Variants in MUSK observed in about 807,000 individuals in gnomAD.
MUSK encodes muscle associated receptor tyrosine kinase.
Under a neutral mutation model 88.7 loss-of-function variants are expected in MUSK, and 55 were observed. The ratio of observed to expected loss-of-function variants is 0.62; its 90% CI spans 0.50 to 0.78. MUSK has a LOEUF of 0.78. Among genes scored for constraint, MUSK ranks in the 30% least tolerant of loss-of-function variants. The pLI, the probability that MUSK is intolerant of heterozygous loss-of-function variation, is 0.00. For missense variants in MUSK, 1,015 were observed against 1,074.3 expected (o/e 0.94, Z 0.77); for synonymous variants, 387 against 391.9 (o/e 0.99, Z 0.15).
At position 110,702,706 on chromosome 9, in the gene MUSK, G is replaced by A. The variant is rs148593095; in HGVS notation, c.628+5240G>A. Among the ~76,000 whole-genome samples, 625 of 151,908 alleles carry A rather than the reference G, an allele frequency of 4.1e-3. 3 individuals are homozygous for A. Among genetic ancestry groups the A allele is most frequent in the Non-Finnish European group, 6.8e-3 (464 of 67,914 alleles). On this transcript the variant is annotated intron_variant, in intron 5 of 14. Coordinates refer to ENST00000374448, the MANE Select transcript of MUSK (RefSeq NM_005592.4). Reference sequence around the variant, plus strand: ...TTGAGCACTGGAGACCAACCTGGGCGACATGGCAAAACTCCATCTCTACAA... The same window carrying A: ...TTGAGCACTGGAGACCAACCTGGGCAACATGGCAAAACTCCATCTCTACAA...
At chr9:110,674,045 T>G (rs1302332009) in intron 1 of MUSK, among the ~76,000 whole-genome samples, 1 of 152,144 alleles carries the variant, frequency 6.6e-6, no homozygotes, top group Admixed American at 6.5e-5. Flanking sequence ...TAGATAACAG[T>G]GTGCTAGTAT....
chr9:110,755,405 C>G lies in MUSK; in HGVS notation c.914-6797C>G, dbSNP rs190115651. On this transcript the variant is annotated intron_variant, in intron 7 of 14. Coordinates refer to ENST00000374448, the MANE Select transcript of MUSK (RefSeq NM_005592.4). ...AAAGAGAGGTAACAAAGACCTGAGG[C>G]TATATGTGTAACCAGTGTATTGAAC... Among the ~76,000 whole-genome samples the G allele has an allele frequency of 2.7e-4, 41 of 152,258 alleles. 1 individual carries two copies. The highest frequency in any genetic ancestry group is 1.4e-3 in the Admixed American group (22 of 15,290).
chr9:110,776,232 T>C (rs934425396), intron 10 of MUSK, among the ~76,000 whole-genome samples: 2 of 152,244 alleles, frequency 1.3e-5, no homozygotes, highest in Non-Finnish European at 2.9e-5. Context: ...TAGGGAATCT[T>C]ATGAGAGCTT....
intron 3 of MUSK, among the ~76,000 whole-genome samples, chr9:110,692,397 G>A (rs890342194): frequency 6.6e-6 from 1 of 151,890 alleles, no homozygotes; most frequent in African/African-American, 2.4e-5. Flanking sequence ...GAGTCTTGAA[G>A]TCCTGTGCTC....
chr9:110,748,893 C>A (rs2077212217), intron 7 of MUSK, among the ~76,000 whole-genome samples: 1 of 152,184 alleles, frequency 6.6e-6, no homozygotes, highest in Non-Finnish European at 1.5e-5. Flanking sequence ...CCTCTCCTTT[C>A]TCCCCCCAGT....
intron 5 of MUSK, among the ~76,000 whole-genome samples, chr9:110,716,140 G>A (rs1291075814): frequency 1.3e-5 from 2 of 149,262 alleles, no homozygotes; most frequent in Non-Finnish European, 2.9e-5. Flanking sequence ...ATAGAAGTTG[G>A]GGGAAAAAAA....
At chr9:110,676,440 T>A (rs2076032007) in intron 1 of MUSK, among the ~76,000 whole-genome samples, 2 of 151,594 alleles carry the variant, frequency 1.3e-5, no homozygotes, top group Non-Finnish European at 2.9e-5. Context: ...GGATGTGCAG[T>A]TTTGTTACAT....
intron 3 of MUSK, among the ~76,000 whole-genome samples, chr9:110,689,806 A>ATAAATATATATTTAAATATATAAATATG (rs1554735560): frequency 1.2e-5 from 1 of 83,082 alleles, no homozygotes; most frequent in Non-Finnish European, 2.1e-5. Flanking sequence ...TATATAATAT[A>ATAAATATATATTTAAATATATAAATATG]TAACTATATA....
Position 110,803,167 on chromosome 9 carries a change from C to A in MUSK, c.*2179C>A, listed in dbSNP as rs999547972. On this transcript the variant is annotated 3_prime_UTR_variant, in exon 15 of 15. Transcript: ENST00000374448. ...GTCAGGCTGACAGAAAATAGAGTAA[C>A]AGTAATCATAAAAATTATAATATCA... 6.6e-6 allele frequency among the ~76,000 whole-genome samples: 1 copy of A among 152,146 alleles called. No individual in the cohort carries two copies. The highest frequency in any genetic ancestry group is 2.4e-5 in the African/African-American group (1 of 41,430).
At chr9:110,691,148 A>G (rs2076351257) in intron 3 of MUSK, among the ~76,000 whole-genome samples, 1 of 152,024 alleles carries the variant, frequency 6.6e-6, no homozygotes. Flanking sequence ...TACAGGCATG[A>G]GCCTGTTTGT....
At chr9:110,716,767 A>G (rs972997924) in intron 5 of MUSK, among the ~76,000 whole-genome samples, 2 of 150,066 alleles carry the variant, frequency 1.3e-5, no homozygotes, top group Non-Finnish European at 1.5e-5. Context: ...TCTTAATTCT[A>G]TAAGTTTAGG....
chr9:110,705,576 C>A (rs2076588493), intron 5 of MUSK, among the ~76,000 whole-genome samples: 1 of 152,164 alleles, frequency 6.6e-6, no homozygotes, highest in Non-Finnish European at 1.5e-5. Flanking sequence ...GGATCCAGCA[C>A]AAAAGTTTTG....
chr9:110,670,899 C>T (rs1047150633), intron 1 of MUSK, among the ~76,000 whole-genome samples: 1 of 151,908 alleles, frequency 6.6e-6, no homozygotes, highest in Non-Finnish European at 1.5e-5. Flanking sequence ...AAGCATAATC[C>T]TTAAAATTTT....
At chr9:110,694,663 A>T (rs548168128) in intron 3 of MUSK, among the ~76,000 whole-genome samples, 1 of 152,184 alleles carries the variant, frequency 6.6e-6, no homozygotes, top group Non-Finnish European at 1.5e-5. Flanking sequence ...ACATAAATGT[A>T]GTTTTAACTA....
At chr9:110,778,403 G>GTTTC (rs976659675) in intron 11 of MUSK, among the ~76,000 whole-genome samples, 4 of 152,068 alleles carry the variant, frequency 2.6e-5, no homozygotes, top group Admixed American at 2.0e-4. Flanking sequence ...TGGAGAAAAG[G>GTTTC]TTAATTTGTC....
chr9:110,760,190 C>G (rs1361905445), intron 7 of MUSK, among the ~76,000 whole-genome samples: 1 of 152,118 alleles, frequency 6.6e-6, no homozygotes, highest in East Asian at 1.9e-4. Flanking sequence ...TACCATTCGA[C>G]CCAGCAATTC....
chr9:110,738,098 C>A (rs1237738449), intron 6 of MUSK, among the ~76,000 whole-genome samples: 1 of 152,112 alleles, frequency 6.6e-6, no homozygotes, highest in Non-Finnish European at 1.5e-5. Flanking sequence ...CCATTCTCCT[C>A]TCAGTAAACC....
intron 8 of MUSK, among the ~76,000 whole-genome samples, chr9:110,765,184 T>C (rs535464878): frequency 1.3e-5 from 2 of 152,342 alleles, no homozygotes; most frequent in East Asian, 3.9e-4. Context: ...CATTGAATAG[T>C]TAACACATGA....
rs1376623221 is a variant in MUSK, at chr9:110,805,909, A to T, written c.*4921A>T. Among the ~76,000 whole-genome samples the T allele has an allele frequency of 1.3e-5, 2 of 152,112 alleles. No homozygotes were observed. The highest frequency in any genetic ancestry group is 1.9e-4 in the East Asian group (1 of 5,188). The stretch of plus-strand genomic sequence containing the variant: ...GTTTTGTATTGGCATTAGCATTTGT[A>T]TTAGCATTGTATTAGGAAAAACTCA... On this transcript the variant is annotated 3_prime_UTR_variant, in exon 15 of 15. Coordinates refer to ENST00000374448, the MANE Select transcript of MUSK (RefSeq NM_005592.4).
Sources: allele counts gnomAD v4.1 joint callset (sites outside exome capture counted in the v4.1 genomes callset), GRCh38; gene constraint gnomAD v4.1.1; transcripts MANE v1.5; gene names NCBI Gene and HGNC (gene_info 2026-07-23, HGNC 2026-07-21).